Variants in CCDC192 observed in about 807,000 individuals in gnomAD.
CCDC192 encodes coiled-coil domain-containing protein 192.
rs913144566 is a variant in CCDC192 at position 127,864,702 on chromosome 5, CCT to C, written c.412-10827_412-10826del. On this transcript the variant is annotated intron_variant, in intron 5 of 6. Coordinates refer to ENST00000514853, the MANE Select transcript of CCDC192 (RefSeq NM_001317938.2). The stretch of plus-strand genomic sequence containing the variant: ...AGTTCACATCACCACCACACCTTTC[CCT>C]CTCTCTCTGTTTACATGCTATTTAC... 7.9e-5 allele frequency among the ~76,000 whole-genome samples: 12 copies of C among 152,288 alleles called. No homozygotes were observed. The East Asian group carries it at 1.2e-3, about 15-fold the overall frequency.
At chr5:127,847,300 T>C (rs540414649) in intron 5 of CCDC192, among the ~76,000 whole-genome samples, 107 of 152,340 alleles carry the variant, frequency 7.0e-4, no homozygotes, top group African/African-American at 2.5e-3. Flanking sequence ...TTCACATTTT[T>C]CCTCCATTAT....
chr5:127,753,338 TG>T (rs1754352489), intron 2 of CCDC192, among the ~76,000 whole-genome samples: 2 of 152,198 alleles, frequency 1.3e-5, no homozygotes, highest in Non-Finnish European at 2.9e-5. Flanking sequence ...CACAAAGGCC[TG>T]TACCTTGTGT....
intron 2 of CCDC192, among the ~76,000 whole-genome samples, chr5:127,751,180 T>C (rs989932241): frequency 5.9e-5 from 9 of 151,422 alleles, no homozygotes; most frequent in African/African-American, 2.2e-4. Context: ...GTTATTTTGC[T>C]CGTTAGTTGA....
chr5:127,824,455 A>G (rs951220323), intron 5 of CCDC192, among the ~76,000 whole-genome samples: 2 of 152,188 alleles, frequency 1.3e-5, no homozygotes, highest in Admixed American at 1.3e-4. Context: ...TTATTTCTAA[A>G]CTTCCATTCT....
At chr5:127,731,414 A>G (rs78842268) in intron 2 of CCDC192, among the ~76,000 whole-genome samples, 347 of 152,210 alleles carry the variant, frequency 2.3e-3, no homozygotes, top group African/African-American at 8.0e-3. Context: ...TAGGAAGAAT[A>G]AATATCGTAA....
intron 2 of CCDC192, among the ~76,000 whole-genome samples, chr5:127,712,622 T>C (rs1180491740): frequency 6.6e-6 from 1 of 152,232 alleles, no homozygotes. Flanking sequence ...TATTCTTTTA[T>C]AGCAACACAC....
At chr5:127,746,931 C>T (rs1177031342) in intron 2 of CCDC192, among the ~76,000 whole-genome samples, 1 of 151,964 alleles carries the variant, frequency 6.6e-6, no homozygotes, top group Non-Finnish European at 1.5e-5. Context: ...TATTTTTATG[C>T]CTGGTTTCAT....
At chr5:127,918,087 A>G (rs894034344) in intron 6 of CCDC192, among the ~76,000 whole-genome samples, 16 of 152,100 alleles carry the variant, frequency 1.1e-4, no homozygotes, top group African/African-American at 3.9e-4. Context: ...ATGAGCTGAG[A>G]TCGCACCACT....
chr5:127,800,335 T>A (rs545562909), intron 5 of CCDC192, among the ~76,000 whole-genome samples: 1 of 113,318 alleles, frequency 8.8e-6, no homozygotes, highest in African/African-American at 3.7e-5. Context: ...TAGAACATTG[T>A]CCCTGAAAAA....
chr5:127,760,266 G>GTTTT (rs143610102), intron 3 of CCDC192, among the ~76,000 whole-genome samples: 1 of 147,482 alleles, frequency 6.8e-6, no homozygotes, highest in African/African-American at 2.5e-5. Context: ...TAATACAGTG[G>GTTTT]TTTTTTTTTT....
intron 2 of CCDC192, among the ~76,000 whole-genome samples, chr5:127,736,979 A>G (rs1753047905): frequency 6.6e-6 from 1 of 150,494 alleles, no homozygotes. Flanking sequence ...TAGCTTTTGA[A>G]TGTGTTTGCT....
At chr5:127,792,544 A>ATG (rs1034775302) in intron 3 of CCDC192, among the ~76,000 whole-genome samples, 18 of 150,126 alleles carry the variant, frequency 1.2e-4, no homozygotes, top group Middle Eastern at 3.5e-3. Flanking sequence ...ATATATATAT[A>ATG]TATGTATAAA....
Position 127,707,650 on chromosome 5 carries a change from G to A in CCDC192, c.63-59G>A, listed in dbSNP as rs1447380966. The A allele has an allele frequency of 2.5e-5, 10 of 397,440 alleles. No homozygotes were observed. The Admixed American group carries it at 3.5e-4, about 14-fold the overall frequency. The allele number at this position is 397,440 out of a possible 1,614,324, so 24.6% of individuals were successfully genotyped here. A position where few individuals can be genotyped will look rare whatever the true frequency, so the allele number is the denominator to read the frequency against. On this transcript the variant is annotated intron_variant, in intron 1 of 6. Coordinates refer to ENST00000514853, the MANE Select transcript of CCDC192 (RefSeq NM_001317938.2). ...ATTCATTGTATGTGCGGGGGTGTGT[G>A]TGCGCACATGAGAGCCTGAAATAAA...
intron 4 of CCDC192, among the ~76,000 whole-genome samples, chr5:127,797,795 T>C (rs1334769393): frequency 7.0e-6 from 1 of 142,654 alleles, no homozygotes; most frequent in East Asian, 2.0e-4. Context: ...ATTTATTTAT[T>C]TGTAAATATA....
At chr5:127,801,138 C>T (rs1042209527) in intron 5 of CCDC192, among the ~76,000 whole-genome samples, 9 of 151,832 alleles carry the variant, frequency 5.9e-5, no homozygotes, top group African/African-American at 9.7e-5. Flanking sequence ...GATCTGCTGG[C>T]GTGGCAGAGA....
intron 5 of CCDC192, among the ~76,000 whole-genome samples, chr5:127,854,213 C>T (rs996884496): frequency 2.6e-4 from 40 of 152,264 alleles, no homozygotes; most frequent in African/African-American, 9.4e-4. Flanking sequence ...TTCCTCATAG[C>T]TCAATCCTAC....
rs143223226 is a variant in CCDC192 at position 127,889,764 on chromosome 5, G to C, written c.535+14103G>C. The stretch of plus-strand genomic sequence containing the variant: ...CAGTTGGCACGCTGGGCCAGCACCT[G>C]GCCCCTGTATTGGCATGCCTATCCC... On this transcript the variant is annotated intron_variant, in intron 6 of 6. Coordinates refer to ENST00000514853, the MANE Select transcript of CCDC192 (RefSeq NM_001317938.2). 3.9e-3 allele frequency among the ~76,000 whole-genome samples: 596 copies of C among 152,288 alleles called. 5 individuals carry two copies. Among genetic ancestry groups the C allele is most frequent in the African/African-American group, 0.013 (558 of 41,562 alleles).
chr5:127,829,808 C>T (rs1749700738), intron 5 of CCDC192, among the ~76,000 whole-genome samples: 1 of 152,072 alleles, frequency 6.6e-6, no homozygotes, highest in Non-Finnish European at 1.5e-5. Flanking sequence ...CAGTATCTTT[C>T]CCCAACTGTA....
At chr5:127,866,850 A>T (rs1369972225) in intron 5 of CCDC192, among the ~76,000 whole-genome samples, 1 of 152,208 alleles carries the variant, frequency 6.6e-6, no homozygotes, top group Non-Finnish European at 1.5e-5. Flanking sequence ...TTTTATGGGA[A>T]AATAATACAT....
Sources: gnomAD v4.1 joint callset for allele counts (sites outside exome capture counted in the v4.1 genomes callset) on GRCh38, gnomAD v4.1.1 for gene constraint, MANE v1.5 for transcripts, NCBI Gene and HGNC (gene_info 2026-07-23, HGNC 2026-07-21) for gene names.